Variants in NKAIN2 observed in about 807,000 individuals in gnomAD.
NKAIN2 encodes sodium/potassium transporting ATPase interacting 2.
A neutral mutation model predicts 32.6 loss-of-function variants in NKAIN2; 14 were observed. The ratio of observed to expected loss-of-function variants is 0.43; its 90% CI spans 0.28 to 0.67. NKAIN2 has a LOEUF of 0.67. Among genes scored for constraint, NKAIN2 ranks in the 30% least tolerant of loss-of-function variants. NKAIN2 has a pLI of 0.17. For missense variants in NKAIN2, 198 were observed against 258.3 expected (o/e 0.77, Z 1.60); for synonymous variants, 80 against 87.2 (o/e 0.92, Z 0.46).
intron 3 of NKAIN2, among the ~76,000 whole-genome samples, chr6:124,526,201 T>G (rs1304742306): frequency 6.6e-6 from 1 of 150,546 alleles, no homozygotes; most frequent in African/African-American, 2.4e-5. Context: ...AATAGAGGAG[T>G]GGTTCTAAGA....
At chr6:124,436,647 T>A (rs1416581592) in intron 3 of NKAIN2, among the ~76,000 whole-genome samples, 5 of 152,110 alleles carry the variant, frequency 3.3e-5, no homozygotes, top group African/African-American at 1.2e-4. Context: ...TCCCCTTGCC[T>A]CTGTCCTCAG....
intron 3 of NKAIN2, among the ~76,000 whole-genome samples, chr6:124,514,396 A>T (rs1185651151): frequency 6.6e-6 from 1 of 152,152 alleles, no homozygotes; most frequent in Non-Finnish European, 1.5e-5. Flanking sequence ...CCCTTTCTCT[A>T]GGGCAGTGAC....
chr6:124,727,977 G>A (rs1776423608), intron 4 of NKAIN2, among the ~76,000 whole-genome samples: 1 of 150,464 alleles, frequency 6.6e-6, no homozygotes. Context: ...TTACATAATG[G>A]TAAAGGGATC....
intron 3 of NKAIN2, among the ~76,000 whole-genome samples, chr6:124,447,035 G>A (rs1177364105): frequency 1.3e-5 from 2 of 152,072 alleles, no homozygotes; most frequent in African/African-American, 4.8e-5. Flanking sequence ...AGATACCCTG[G>A]ATGGCTTTTT....
chr6:124,478,360 G>A (rs1010884866), intron 3 of NKAIN2, among the ~76,000 whole-genome samples: 1 of 152,170 alleles, frequency 6.6e-6, no homozygotes, highest in Non-Finnish European at 1.5e-5. Flanking sequence ...TCTCTCTAAT[G>A]CCATTCTCAA....
At chr6:124,301,966 GGGGCT>G (rs1337117719) in intron 2 of NKAIN2, among the ~76,000 whole-genome samples, 9 of 152,148 alleles carry the variant, frequency 5.9e-5, no homozygotes, top group African/African-American at 2.2e-4. Flanking sequence ...AGTTTTGGGA[GGGGCT>G]GGGGTGGAAT....
chr6:124,296,703 G>A (rs1384514055), intron 2 of NKAIN2, among the ~76,000 whole-genome samples: 1 of 152,118 alleles, frequency 6.6e-6, no homozygotes. Flanking sequence ...GTGATCTGTG[G>A]ATAAGTTATG....
chr6:124,685,069 C>A (rs1275272857), intron 4 of NKAIN2, among the ~76,000 whole-genome samples: 1 of 152,114 alleles, frequency 6.6e-6, no homozygotes, highest in Non-Finnish European at 1.5e-5. Context: ...ATTCATACTA[C>A]TATTTTTGCA....
intron 1 of NKAIN2, among the ~76,000 whole-genome samples, chr6:123,963,102 A>G (rs1467643928): frequency 6.6e-6 from 1 of 152,122 alleles, no homozygotes; most frequent in Non-Finnish European, 1.5e-5. Flanking sequence ...ATGTTGTGGA[A>G]ACCTCGAAAC....
chr6:124,352,930 AT>A (rs1303366235), intron 2 of NKAIN2, among the ~76,000 whole-genome samples: 1 of 152,118 alleles, frequency 6.6e-6, no homozygotes, highest in Non-Finnish European at 1.5e-5. Flanking sequence ...ATTATACTCT[AT>A]TGAGCAACGC....
chr6:124,327,138 G>GT (rs1029888239), intron 2 of NKAIN2, among the ~76,000 whole-genome samples: 1 of 151,676 alleles, frequency 6.6e-6, no homozygotes, highest in African/African-American at 2.4e-5. Flanking sequence ...CATATTCTGA[G>GT]TTTTTTATAG....
intron 3 of NKAIN2, among the ~76,000 whole-genome samples, chr6:124,391,327 T>C (rs1773132314): frequency 6.6e-6 from 1 of 152,148 alleles, no homozygotes; most frequent in Admixed American, 6.6e-5. Flanking sequence ...TTAGCAGGTG[T>C]CTGTAATCAC....
At chr6:124,347,377 G>A (rs1314171692) in intron 2 of NKAIN2, among the ~76,000 whole-genome samples, 1 of 151,890 alleles carries the variant, frequency 6.6e-6, no homozygotes, top group African/African-American at 2.4e-5. Flanking sequence ...TCTGAATGTT[G>A]GCCTGCCTTG....
At chr6:124,378,819 G>T (rs1365390859) in intron 3 of NKAIN2, among the ~76,000 whole-genome samples, 1 of 151,826 alleles carries the variant, frequency 6.6e-6, no homozygotes, top group Non-Finnish European at 1.5e-5. Flanking sequence ...ACTGAGAGCA[G>T]TGGCTCACAC....
intron 3 of NKAIN2, among the ~76,000 whole-genome samples, chr6:124,594,871 G>T (rs1457118030): frequency 6.6e-6 from 1 of 152,028 alleles, no homozygotes; most frequent in African/African-American, 2.4e-5. Context: ...CAGGAAGAAT[G>T]CATCCTTCCT....
At chr6:123,877,995 G>A (rs1243355109) in intron 1 of NKAIN2, among the ~76,000 whole-genome samples, 2 of 152,122 alleles carry the variant, frequency 1.3e-5, no homozygotes, top group African/African-American at 2.4e-5. Context: ...GGGAGGCTGT[G>A]GGGGGCAGAT....
intron 3 of NKAIN2, among the ~76,000 whole-genome samples, chr6:124,429,016 A>C (rs1346665704): frequency 6.6e-6 from 1 of 152,070 alleles, no homozygotes; most frequent in Non-Finnish European, 1.5e-5. Context: ...ATTTGTTCTC[A>C]TGCATGTGAA....
chr6:124,131,775 G>C (rs1786491327), intron 1 of NKAIN2, among the ~76,000 whole-genome samples: 1 of 152,094 alleles, frequency 6.6e-6, no homozygotes, highest in Non-Finnish European at 1.5e-5. Flanking sequence ...TGTCTCACAG[G>C]GTTCCTTGGG....
At chr6:124,481,506 T>C (rs1360797239) in intron 3 of NKAIN2, among the ~76,000 whole-genome samples, 1 of 152,164 alleles carries the variant, frequency 6.6e-6, no homozygotes. Flanking sequence ...CACTTTAATC[T>C]ATGACAGTAT....
Sources: gnomAD v4.1 joint callset for allele counts (sites outside exome capture counted in the v4.1 genomes callset) on GRCh38, gnomAD v4.1.1 for gene constraint, MANE v1.5 for transcripts, NCBI Gene and HGNC (gene_info 2026-07-23, HGNC 2026-07-21) for gene names.